SLC5A1: variants seen among roughly 807,000 people sequenced by gnomAD.
SLC5A1 encodes the protein solute carrier family 5 member 1.
In SLC5A1, 42 loss-of-function variants were observed where a neutral mutation model predicts 73.5. The ratio of observed to expected loss-of-function variants is 0.57; its 90% CI spans 0.45 to 0.74. The LOEUF is 0.74. SLC5A1 is among the 30% of genes least tolerant of loss of function. The probability of loss-of-function intolerance (pLI) is 0.00; values close to 1 mark genes in which losing one functional copy is unlikely to be tolerated. For synonymous variants in SLC5A1, 300 were observed against 317.4 expected (o/e 0.95, Z 0.58); for missense variants, 634 against 855.4 (o/e 0.74, Z 3.23).
intron 1 of SLC5A1, among the ~76,000 whole-genome samples, chr22:32,046,043 GA>G (rs2093936743): frequency 6.6e-6 from 1 of 151,936 alleles, no homozygotes; most frequent in South Asian, 2.1e-4. Flanking sequence ...TTTCTTTAAA[GA>G]AAAAAAATTT....
At chr22:32,096,968 TGAAC>T (rs2094027256) in intron 11 of SLC5A1, among the ~76,000 whole-genome samples, 2 of 152,272 alleles carry the variant, frequency 1.3e-5, no homozygotes, top group African/African-American at 4.8e-5. Flanking sequence ...ATCTTTACTC[TGAAC>T]CATAGAAAGT....
chr22:32,109,313 T>C (rs1459962349), intron 14 of SLC5A1, among the ~76,000 whole-genome samples: 1 of 152,186 alleles, frequency 6.6e-6, no homozygotes, highest in Non-Finnish European at 1.5e-5. Context: ...ACCAGGTTTG[T>C]CTACCTCCAG....
chr22:32,070,244 C>T (rs1603118054), intron 5 of SLC5A1, among the ~76,000 whole-genome samples: 1 of 38,054 alleles, frequency 2.6e-5, no homozygotes, highest in African/African-American at 9.9e-5. Context: ...TCCCCTCCCC[C>T]TCCCCTCCCC....
intron 1 of SLC5A1, among the ~76,000 whole-genome samples, chr22:32,049,035 C>T (rs138307521): frequency 0.13 from 19,214 of 150,022 alleles, 1,542 homozygotes; most frequent in African/African-American, 0.23. Context: ...GATCGTGCCA[C>T]TGCACTCCAG....
intron 2 of SLC5A1, among the ~76,000 whole-genome samples, chr22:32,059,621 G>T (rs994076169): frequency 2.0e-5 from 3 of 151,954 alleles, no homozygotes; most frequent in Admixed American, 6.6e-5. Flanking sequence ...CTTTATTGCA[G>T]AGAGTCTGGA....
chr22:32,051,635 G>A (rs2093945201), intron 2 of SLC5A1, among the ~76,000 whole-genome samples: 1 of 152,052 alleles, frequency 6.6e-6, no homozygotes, highest in South Asian at 2.1e-4. Context: ...CAGCCTGGGG[G>A]ACAGAGTGAG....
chr22:32,044,402 G>A (rs558225143), intron 1 of SLC5A1, among the ~76,000 whole-genome samples: 6 of 152,334 alleles, frequency 3.9e-5, no homozygotes, highest in African/African-American at 1.4e-4. Context: ...GATAAGCCCA[G>A]GGAGGCTGCT....
At position 32,065,640 on chromosome 22, in the gene SLC5A1, C is replaced by T. The variant is rs571496079; in HGVS notation, c.208-1295C>T. ...GTGTTATTCACAGCTGTTATTAGTG[C>T]TTAACACGTGTAGTAGATGCTAAGT... On this transcript the variant is annotated intron_variant, in intron 2 of 14. Transcript: ENST00000266088. Among the ~76,000 whole-genome samples, 26 of 152,286 alleles carry T rather than the reference C, an allele frequency of 1.7e-4. No individual in the cohort carries two copies. In the South Asian group the frequency reaches 5.2e-3, roughly 30 times the overall value.
chr22:32,107,924 A>G (rs562367296), intron 14 of SLC5A1, among the ~76,000 whole-genome samples: 91 of 151,928 alleles, frequency 6.0e-4, no homozygotes, highest in Non-Finnish European at 1.2e-3. Flanking sequence ...CCTCACCACC[A>G]CCACCACCAC....
chr22:32,044,120 T>C (rs2093933921), intron 1 of SLC5A1, among the ~76,000 whole-genome samples: 2 of 152,064 alleles, frequency 1.3e-5, no homozygotes, highest in African/African-American at 2.4e-5. Flanking sequence ...ACCTGGAACA[T>C]GGGCATTTCA....
In SLC5A1 at chr22:32,086,326, T is replaced by C. The variant is rs201834537; in HGVS notation, c.1128T>C (p.Asn376=). The change falls in exon 10 of 15, where the codon AAT becomes AAC. Residue 376 remains asparagine (N), a splice_region_variant and synonymous_variant. Coordinates refer to ENST00000266088, the MANE Select transcript of SLC5A1 (RefSeq NM_000343.4). The part of the protein sequence containing the change: ...YPTLVVELMP[N]GLRGLMLSVM... Reference sequence around the variant, plus strand: ...CCTTAGTGGTGGAGCTCATGCCCAATGGTGAGATTCTTTCTTGGGAGGTTG... The same window carrying C: ...CCTTAGTGGTGGAGCTCATGCCCAACGGTGAGATTCTTTCTTGGGAGGTTG... 84 of 1,603,228 alleles carry C rather than the reference T, an allele frequency of 5.2e-5. No homozygotes were observed. Among genetic ancestry groups the C allele is most frequent in the Non-Finnish European group, 7.0e-5 (82 of 1,170,238 alleles).
At chr22:32,106,373 C>T (rs866825451) in intron 14 of SLC5A1, among the ~76,000 whole-genome samples, 10 of 152,292 alleles carry the variant, frequency 6.6e-5, no homozygotes, top group Middle Eastern at 3.4e-3. Context: ...TTTTGAGAAA[C>T]GTCTATTAAA....
At chr22:32,093,209 T>C (rs548476339) in intron 11 of SLC5A1, among the ~76,000 whole-genome samples, 6 of 152,352 alleles carry the variant, frequency 3.9e-5, no homozygotes, top group Non-Finnish European at 8.8e-5. Flanking sequence ...GCTCTGGCCT[T>C]ATAGTATAGT....
At chr22:32,052,836 T>G (rs935066191) in intron 2 of SLC5A1, among the ~76,000 whole-genome samples, 7 of 152,236 alleles carry the variant, frequency 4.6e-5, no homozygotes, top group Middle Eastern at 3.4e-3. Flanking sequence ...CAGAACCTCA[T>G]GCTGGTCCCC....
intron 5 of SLC5A1, 43 bp downstream of exon 5, chr22:32,068,643 C>T (rs1300818273): frequency 7.6e-7 from 1 of 1,317,784 alleles, no homozygotes; most frequent in Admixed American, 1.7e-5. Context: ...TCAGAAGCTG[C>T]CACTCTCATT....
intron 2 of SLC5A1, among the ~76,000 whole-genome samples, chr22:32,060,042 CACACACACACATATAT>C (rs1240482982): frequency 6.8e-5 from 10 of 147,538 alleles, no homozygotes; most frequent in South Asian, 2.1e-4. Flanking sequence ...CACACACACA[CACACACACACATATAT>C]ACACACACAT....
At chr22:32,088,453 T>C (rs768804125) in intron 10 of SLC5A1, among the ~76,000 whole-genome samples, 1 of 151,670 alleles carries the variant, frequency 6.6e-6, no homozygotes, top group Non-Finnish European at 1.5e-5. Context: ...TCTCCTGCCT[T>C]AGCCTCTGTA....
At chr22:32,102,423 C>T (rs914114574) in intron 13 of SLC5A1, among the ~76,000 whole-genome samples, 186 bp downstream of exon 13, 2 of 151,716 alleles carry the variant, frequency 1.3e-5, no homozygotes, top group Non-Finnish European at 2.9e-5. Flanking sequence ...TGTCCATTGC[C>T]TCAAGCATTT....
chr22:32,049,886 G>C (rs975158358), intron 1 of SLC5A1, 57 bp from the exon 2 acceptor site: 1 of 1,423,468 alleles, frequency 7.0e-7, no homozygotes, highest in Non-Finnish European at 9.9e-7. Flanking sequence ...ATGTCCTTTT[G>C]GCTGGCAAGG....
Sources: gnomAD v4.1 joint callset for allele counts (sites outside exome capture counted in the v4.1 genomes callset) on GRCh38, gnomAD v4.1.1 for gene constraint, MANE v1.5 for transcripts, NCBI Gene and HGNC (gene_info 2026-07-23, HGNC 2026-07-21) for gene names.